ZFPM2: variants seen among roughly 807,000 people sequenced by gnomAD.
ZFPM2 encodes the protein zinc finger protein ZFPM2.
Under a neutral mutation model 98.6 loss-of-function variants are expected in ZFPM2, and 20 were observed. The observed-to-expected ratio is 0.20, with a 90% CI of 0.14 to 0.29. ZFPM2 has a LOEUF of 0.29. Among genes scored for constraint, ZFPM2 ranks in the 10% least tolerant of loss-of-function variants. The probability of loss-of-function intolerance (pLI) is 1.00; values close to 1 mark genes in which losing one functional copy is unlikely to be tolerated. For missense variants in ZFPM2, 1,310 were observed against 1,388.6 expected, an observed-to-expected ratio of 0.94 and a Z score of 0.90; for synonymous variants, 518 against 502.7, an observed-to-expected ratio of 1.03 and a Z score of -0.41.
intron 4 of ZFPM2, among the ~76,000 whole-genome samples, chr8:105,616,218 A>C (rs926598592): frequency 2.0e-5 from 3 of 152,134 alleles, no homozygotes; most frequent in Non-Finnish European, 4.4e-5. Flanking sequence ...GATAAGTACT[A>C]GTGAAAACAA....
chr8:105,392,086 A>G (rs12679162), intron 1 of ZFPM2, among the ~76,000 whole-genome samples: 10,684 of 152,240 alleles, frequency 0.07, 888 homozygotes, highest in East Asian at 0.47. Flanking sequence ...CAGGCATGAA[A>G]ACAATATAGG....
At chr8:105,562,301 C>A (rs1234640311) in intron 4 of ZFPM2, among the ~76,000 whole-genome samples, 2 of 150,938 alleles carry the variant, frequency 1.3e-5, no homozygotes, top group African/African-American at 4.9e-5. Context: ...CAGAGCAAGA[C>A]TCCATCTCAA....
chr8:105,730,769 C>CTTT (rs1239093734), intron 5 of ZFPM2, among the ~76,000 whole-genome samples: 1 of 118,858 alleles, frequency 8.4e-6, no homozygotes, highest in African/African-American at 3.1e-5. Context: ...TGAACTTTTT[C>CTTT]TTTTTTCTTT....
At chr8:105,631,373 T>A (rs1816752226) in intron 4 of ZFPM2, among the ~76,000 whole-genome samples, 1 of 152,194 alleles carries the variant, frequency 6.6e-6, no homozygotes, top group African/African-American at 2.4e-5. Context: ...ACTTTTCTAG[T>A]GCTTTCTACA....
At chr8:105,663,183 A>G (rs1462870377) in intron 5 of ZFPM2, among the ~76,000 whole-genome samples, 1 of 152,200 alleles carries the variant, frequency 6.6e-6, no homozygotes, top group Non-Finnish European at 1.5e-5. Context: ...AATGAAATGG[A>G]TAATCATTCA....
chr8:105,508,129 G>A (rs1019107400), intron 3 of ZFPM2, among the ~76,000 whole-genome samples: 3 of 152,078 alleles, frequency 2.0e-5, no homozygotes, highest in Non-Finnish European at 4.4e-5. Flanking sequence ...GATTAATCAC[G>A]TAACATTTTG....
At chr8:105,475,174 C>T (rs1366483533) in intron 3 of ZFPM2, among the ~76,000 whole-genome samples, 1 of 152,100 alleles carries the variant, frequency 6.6e-6, no homozygotes, top group East Asian at 1.9e-4. Flanking sequence ...TTAAAAACAA[C>T]CCTGTCACTT....
At chr8:105,508,748 A>C (rs1401868458) in intron 3 of ZFPM2, among the ~76,000 whole-genome samples, 1 of 151,014 alleles carries the variant, frequency 6.6e-6, no homozygotes, top group African/African-American at 2.4e-5. Context: ...AATTTGTCTG[A>C]TAGGGCACAA....
chr8:105,626,493 A>G (rs1816657750), intron 4 of ZFPM2, among the ~76,000 whole-genome samples: 1 of 152,150 alleles, frequency 6.6e-6, no homozygotes, highest in African/African-American at 2.4e-5. Context: ...GTGGTTGTAC[A>G]AGGTCAAATC....
chr8:105,564,741 A>G (rs377499026), intron 4 of ZFPM2, among the ~76,000 whole-genome samples: 34 of 152,272 alleles, frequency 2.2e-4, no homozygotes, highest in African/African-American at 8.2e-4. Context: ...ATTTCTTAAC[A>G]TGAATCATAA....
intron 1 of ZFPM2, among the ~76,000 whole-genome samples, chr8:105,402,442 T>A (rs1586346556): frequency 6.6e-6 from 1 of 152,036 alleles, no homozygotes; most frequent in Non-Finnish European, 1.5e-5. Context: ...CAATGGTATC[T>A]GAAAATATTG....
chr8:105,777,786 TAAAC>T (rs939721465), intron 5 of ZFPM2, among the ~76,000 whole-genome samples: 2 of 152,194 alleles, frequency 1.3e-5, no homozygotes, highest in African/African-American at 2.4e-5. Flanking sequence ...CAACTCTAAA[TAAAC>T]AAGTGGATAG....
intron 5 of ZFPM2, among the ~76,000 whole-genome samples, chr8:105,726,983 T>C (rs906631848): frequency 6.6e-6 from 1 of 151,638 alleles, no homozygotes; most frequent in Non-Finnish European, 1.5e-5. Context: ...AGTCACAAAG[T>C]GTATAGTGAT....
chr8:105,540,299 A>G (rs1261416589), intron 3 of ZFPM2, among the ~76,000 whole-genome samples: 1 of 151,800 alleles, frequency 6.6e-6, no homozygotes, highest in Admixed American at 6.6e-5. Flanking sequence ...CTCAATGCCG[A>G]CTCTGCTACT....
intron 5 of ZFPM2, among the ~76,000 whole-genome samples, chr8:105,653,309 G>A (rs1817216884): frequency 6.6e-6 from 1 of 152,024 alleles, no homozygotes; most frequent in Non-Finnish European, 1.5e-5. Context: ...TTGGAGGTGG[G>A]GTGTTCTTTA....
At chr8:105,368,485 GTTAAA>G (rs1042854732) in intron 1 of ZFPM2, among the ~76,000 whole-genome samples, 1 of 152,168 alleles carries the variant, frequency 6.6e-6, no homozygotes, top group Non-Finnish European at 1.5e-5. Context: ...GCATTCAAAA[GTTAAA>G]TTAAAACATT....
At chr8:105,498,859 A>C (rs1330659461) in intron 3 of ZFPM2, among the ~76,000 whole-genome samples, 5 of 152,166 alleles carry the variant, frequency 3.3e-5, no homozygotes, top group Admixed American at 3.3e-4. Context: ...TGCACGTGAT[A>C]AGAAGCCATT....
intron 3 of ZFPM2, among the ~76,000 whole-genome samples, chr8:105,467,762 T>C (rs764513147): frequency 1.3e-5 from 2 of 151,982 alleles, no homozygotes; most frequent in Non-Finnish European, 2.9e-5. Flanking sequence ...TGTATATATA[T>C]ACAACATAAT....
At chr8:105,655,388 C>T (rs553202130) in intron 5 of ZFPM2, among the ~76,000 whole-genome samples, 27 of 151,886 alleles carry the variant, frequency 1.8e-4, no homozygotes, top group African/African-American at 3.4e-4. Flanking sequence ...TGCGCCACCA[C>T]GCCCAGCTAA....
Sources: gnomAD v4.1 joint callset for allele counts (sites outside exome capture counted in the v4.1 genomes callset) on GRCh38, gnomAD v4.1.1 for gene constraint, MANE v1.5 for transcripts, NCBI Gene and HGNC (gene_info 2026-07-23, HGNC 2026-07-21) for gene names.